The following EYS variants were observed in gnomAD, a reference collection of about 807,000 sequenced individuals.
The protein encoded by EYS is protein eyes shut homolog.
In EYS, 250 loss-of-function variants were observed where a neutral mutation model predicts 282.1. The ratio of observed to expected loss-of-function variants is 0.89; its 90% CI spans 0.80 to 0.98. The LOEUF (loss-of-function observed/expected upper bound fraction) is 0.98. EYS is among the 50% of genes least tolerant of loss of function. The pLI is 0.00. For missense variants in EYS, 4,016 were observed against 3,709.0 expected (o/e 1.08, Z -2.15); for synonymous variants, 1,355 against 1,282.9 (o/e 1.06, Z -1.20).
intron 12 of EYS, among the ~76,000 whole-genome samples, chr6:65,166,580 C>T (rs1321340694): frequency 2.6e-5 from 4 of 151,026 alleles, no homozygotes; most frequent in Admixed American, 1.3e-4. Context: ...ACAAATGGAC[C>T]AAATAGTTAA....
intron 35 of EYS, among the ~76,000 whole-genome samples, chr6:63,911,171 T>C (rs1424223370): frequency 6.6e-6 from 1 of 151,612 alleles, no homozygotes; most frequent in Non-Finnish European, 1.5e-5. Context: ...ACATTTCAAT[T>C]GCAGTCGCTT....
chr6:65,398,082 T>C (rs1766355277), intron 7 of EYS, among the ~76,000 whole-genome samples: 1 of 152,070 alleles, frequency 6.6e-6, no homozygotes, highest in Non-Finnish European at 1.5e-5. Flanking sequence ...TCATGCCTTT[T>C]GCTGACTTTT....
intron 2 of EYS, among the ~76,000 whole-genome samples, chr6:65,513,035 A>G (rs1320886692): frequency 6.6e-6 from 1 of 152,224 alleles, no homozygotes; most frequent in African/African-American, 2.4e-5. Context: ...AAATTGATAG[A>G]CCGCTAGCAA....
intron 8 of EYS, among the ~76,000 whole-genome samples, chr6:65,364,717 CG>C (rs1312879808): frequency 6.6e-6 from 1 of 151,592 alleles, no homozygotes; most frequent in East Asian, 1.9e-4. Context: ...TCCTTCTCCC[CG>C]GATGACACCA....
At chr6:64,158,361 T>A (rs13198267) in intron 31 of EYS, among the ~76,000 whole-genome samples, 52,249 of 147,338 alleles carry the variant, frequency 0.35, 9,006 homozygotes, top group East Asian at 0.51. Context: ...CATGTAAAAG[T>A]GATATTTTTG....
intron 40 of EYS, among the ~76,000 whole-genome samples, chr6:63,764,637 T>C (rs935139415): frequency 6.6e-6 from 1 of 151,954 alleles, no homozygotes; most frequent in African/African-American, 2.4e-5. Flanking sequence ...ACTTACACTT[T>C]ATTGTATATA....
intron 19 of EYS, among the ~76,000 whole-genome samples, chr6:64,857,640 A>T (rs957675806): frequency 5.2e-4 from 79 of 152,296 alleles, no homozygotes; most frequent in African/African-American, 1.9e-3. Context: ...GATATGCTGG[A>T]TCATATGGCA....
chr6:63,752,810 A>G (rs1386477515), intron 41 of EYS, among the ~76,000 whole-genome samples: 1 of 152,028 alleles, frequency 6.6e-6, no homozygotes, highest in African/African-American at 2.4e-5. Context: ...TGCTTTTCTT[A>G]AATTGAAGTT....
intron 31 of EYS, among the ~76,000 whole-genome samples, chr6:64,127,181 T>C (rs76752420): frequency 0.035 from 5,264 of 152,294 alleles, 264 homozygotes; most frequent in African/African-American, 0.11. Context: ...ATATATCATG[T>C]GTCTTGTTTG....
chr6:65,408,139 C>A (rs149916885), intron 5 of EYS, among the ~76,000 whole-genome samples: 1 of 151,856 alleles, frequency 6.6e-6, no homozygotes, highest in South Asian at 2.1e-4. Flanking sequence ...GGGAAAAAAT[C>A]GTACTTTATC....
At chr6:64,266,378 T>TA (rs1026373270) in intron 30 of EYS, among the ~76,000 whole-genome samples, 50 of 151,178 alleles carry the variant, frequency 3.3e-4, no homozygotes, top group Non-Finnish European at 2.8e-4. Context: ...GTGCTTAGCT[T>TA]AAAAAAAAAT....
chr6:64,615,769 T>A (rs1331684073), intron 24 of EYS, among the ~76,000 whole-genome samples: 1 of 152,110 alleles, frequency 6.6e-6, no homozygotes, highest in Non-Finnish European at 1.5e-5. Context: ...TTAAATTTTG[T>A]TTCAGCTTTC....
intron 26 of EYS, among the ~76,000 whole-genome samples, chr6:64,493,082 T>C (rs116205553): frequency 1.1e-3 from 161 of 151,642 alleles, no homozygotes; most frequent in African/African-American, 3.7e-3. Flanking sequence ...AATTCATCTA[T>C]GTCTAGAGAA....
At chr6:65,216,869 A>C (rs1306088543) in intron 12 of EYS, among the ~76,000 whole-genome samples, 3 of 152,036 alleles carry the variant, frequency 2.0e-5, no homozygotes, top group African/African-American at 7.2e-5. Context: ...CAAATTTGGC[A>C]AGTAAAAATC....
chr6:64,436,434 C>T (rs1774749870), intron 27 of EYS, among the ~76,000 whole-genome samples, 169 bp from the exon 28 acceptor site: 1 of 151,658 alleles, frequency 6.6e-6, no homozygotes, highest in African/African-American at 2.4e-5. Flanking sequence ...CTGATATGTC[C>T]TAGATTTAAT....
chr6:65,260,687 T>G (rs1168437436), intron 12 of EYS, among the ~76,000 whole-genome samples: 1 of 152,090 alleles, frequency 6.6e-6, no homozygotes, highest in Admixed American at 6.6e-5. Flanking sequence ...AAATACACAT[T>G]TAAGATTACT....
chr6:64,187,775 G>A (rs1364645246), intron 31 of EYS, among the ~76,000 whole-genome samples: 5 of 151,964 alleles, frequency 3.3e-5, no homozygotes, highest in East Asian at 1.9e-4. Flanking sequence ...AGCTTCTTTA[G>A]CTTTCTTCCT....
chr6:65,598,234 ACC>A (rs377147776), intron 2 of EYS, among the ~76,000 whole-genome samples: 2 of 11,830 alleles, frequency 1.7e-4, no homozygotes, highest in Non-Finnish European at 3.1e-4. Context: ...CCTCCTCCCC[ACC>A]CACCCCCCCC....
intron 2 of EYS, among the ~76,000 whole-genome samples, chr6:65,545,648 G>C (rs1400975983): frequency 6.6e-6 from 1 of 152,062 alleles, no homozygotes; most frequent in African/African-American, 2.4e-5. Flanking sequence ...TGATAAAGAA[G>C]TATCAAATCA....
Sources: allele counts gnomAD v4.1 joint callset (sites outside exome capture counted in the v4.1 genomes callset), GRCh38; gene constraint gnomAD v4.1.1; transcripts MANE v1.5; gene names NCBI Gene and HGNC (gene_info 2026-07-23, HGNC 2026-07-21).